FANCI: variants seen among roughly 807,000 people sequenced by gnomAD.
FANCI encodes Fanconi anemia group I protein.
A neutral mutation model predicts 176.1 loss-of-function variants in FANCI; 156 were observed. That is an observed-to-expected ratio of 0.89 (90% CI 0.78 to 1.01). FANCI has a LOEUF of 1.01. Ranked by LOEUF, FANCI falls within the 50% of genes least tolerant of loss-of-function variation. The pLI is 0.00. For synonymous variants in FANCI, 613 were observed against 541.7 expected (o/e 1.13, Z -1.83); for missense variants, 1,678 against 1,534.1 (o/e 1.09, Z -1.57).
chr15:89,263,417 A>G lies in FANCI; in HGVS notation c.504-2A>G. On this transcript the variant is annotated splice_acceptor_variant, in intron 6 of 37. Coordinates refer to ENST00000310775, the MANE Select transcript of FANCI (RefSeq NM_001113378.2). LOFTEE classifies it high-confidence loss of function. ...ATAAACTTTGTCATTTTCTTCTACC[A>G]GGTGGGATCAGCAATATGTAATCCA... 6.2e-7 allele frequency: 1 copy of G among 1,612,098 alleles called. No individual in the cohort carries two copies. Among genetic ancestry groups the G allele is most frequent in the Non-Finnish European group, 8.5e-7 (1 of 1,178,326 alleles).
chr15:89,316,094 G>A (rs2152042654), intron 37 of FANCI, among the ~76,000 whole-genome samples: 1 of 152,316 alleles, frequency 6.6e-6, no homozygotes, highest in South Asian at 2.1e-4. Flanking sequence ...CTTGGCAGCT[G>A]CACTCAGGAG....
rs760751687 is a variant in FANCI, at chr15:89,299,837, G to A, written c.2674G>A (p.Val892Met). 2 of 1,613,836 alleles carry A rather than the reference G, an allele frequency of 1.2e-6. No individual in the cohort carries two copies. The highest frequency in any genetic ancestry group is 1.7e-5 in the Admixed American group (1 of 59,994). The change falls in exon 25 of 38, where the codon GTG becomes ATG. Residue 892 changes from valine (V) to methionine (M), a missense_variant. By Grantham distance (21) the Val-to-Met change is conservative. This residue lies in a region of FANCI where 1,204 missense variants were observed against 1,077.4 expected (regional missense o/e 1.12). Transcript: ENST00000310775. The stretch of plus-strand genomic sequence containing the variant: ...GAGATACACTTCAATTCCTACTTCA[G>A]TGGAAGAGTCGGGAAAGAAAGAGAA... ...LWRYTSIPTS[V>M]EESGKKEKGK...
chr15:89,274,085 A>G, intron 11 of FANCI, 83 bp from the exon 12 acceptor site: 1 of 1,104,166 alleles, frequency 9.1e-7, no homozygotes, highest in Non-Finnish European at 1.3e-6. Context: ...TATTTGCTTT[A>G]TTTTCTTATT....
rs57179287 is a variant in FANCI at position 89,271,210 on chromosome 15, AT to A, written c.883-2159del. On this transcript the variant is annotated intron_variant, in intron 10 of 37. Coordinates refer to ENST00000310775, the MANE Select transcript of FANCI (RefSeq NM_001113378.2). ...TTTATTCTAAGCATGCAATCCAGTGATTTTTTTTCATAAATTTACCTAGTTT... is the reference window on the plus strand; with the variant it reads ...TTTATTCTAAGCATGCAATCCAGTGATTTTTTTCATAAATTTACCTAGTTT... Among the ~76,000 whole-genome samples the A allele has an allele frequency of 8.3e-3, 1,263 of 152,044 alleles. 5 individuals are homozygous for A. Among genetic ancestry groups the A allele is most frequent in the East Asian group, 0.021 (110 of 5,178 alleles).
chr15:89,275,989 G>T (rs943771100), intron 12 of FANCI, among the ~76,000 whole-genome samples: 3 of 152,174 alleles, frequency 2.0e-5, no homozygotes, highest in African/African-American at 7.2e-5. Flanking sequence ...TGGCTCTTCA[G>T]AGTATGAATA....
At chr15:89,255,536 C>T (rs914706653) in intron 2 of FANCI, among the ~76,000 whole-genome samples, 5 of 152,160 alleles carry the variant, frequency 3.3e-5, no homozygotes, top group Non-Finnish European at 7.3e-5. Flanking sequence ...AGATGGACAT[C>T]ATGTGCTTCC....
At chr15:89,312,601 C>T (rs752339036) in intron 34 of FANCI, among the ~76,000 whole-genome samples, 11 of 152,210 alleles carry the variant, frequency 7.2e-5, no homozygotes, top group Non-Finnish European at 1.2e-4. Context: ...CGGCAGATCA[C>T]CTGAGGCCAG....
intron 24 of FANCI, among the ~76,000 whole-genome samples, chr15:89,296,220 T>A (rs2151776186): frequency 6.7e-6 from 1 of 150,106 alleles, no homozygotes; most frequent in South Asian, 2.1e-4. Flanking sequence ...CACCCTGGCC[T>A]CCCAAAGTGC....
At chr15:89,247,918 A>G (rs1170717586) in intron 2 of FANCI, among the ~76,000 whole-genome samples, 187 bp downstream of exon 2, 2 of 152,230 alleles carry the variant, frequency 1.3e-5, no homozygotes, top group Non-Finnish European at 2.9e-5. Context: ...AGAGAAATAG[A>G]CTACTTGAGG....
intron 32 of FANCI, among the ~76,000 whole-genome samples, chr15:89,306,607 G>C (rs191498002): frequency 6.6e-6 from 1 of 151,890 alleles, no homozygotes; most frequent in Non-Finnish European, 1.5e-5. Flanking sequence ...CAGGAGAATC[G>C]CTTGAACCCA....
Position 89,294,075 on chromosome 15 carries a change from C to T in FANCI, c.2456+78C>T, listed in dbSNP as rs538638278. On this transcript the variant is annotated intron_variant, in intron 23 of 37. Transcript: ENST00000310775. Reference sequence around the variant, plus strand: ...CTACCTAGGCTCACTTGTTTCACCTCGTTTGGATTGTTTACAGTAAGAAAT... The same window carrying T: ...CTACCTAGGCTCACTTGTTTCACCTTGTTTGGATTGTTTACAGTAAGAAAT... 1.3e-5 allele frequency: 19 copies of T among 1,492,064 alleles called. No homozygotes were observed. The Middle Eastern group carries it at 6.8e-4, about 54-fold the overall frequency. 92.4% of individuals were successfully genotyped at this position (1,492,064 alleles called of 1,614,324 possible).
chr15:89,295,666 TAAA>T (rs1399386895), intron 24 of FANCI, among the ~76,000 whole-genome samples: 1 of 150,886 alleles, frequency 6.6e-6, no homozygotes, highest in Non-Finnish European at 1.5e-5. Context: ...AACTCCATCT[TAAA>T]AGAGTGAAAA....
chr15:89,281,773 C>G lies in FANCI; in HGVS notation c.1521C>G (p.Leu507=). Residue 507 remains leucine (L), a synonymous_variant, in exon 16 of 38, where the codon CTC becomes CTG. Coordinates refer to ENST00000310775, the MANE Select transcript of FANCI (RefSeq NM_001113378.2). The part of the protein sequence containing the change: ...QRLLKAVQPL[L]KVSMSMRDCL... ...CACTGATTCTTTTTCAGCCCCTTCT[C>G]AAAGTCAGCATGTCAATGAGAGACT... The G allele has an allele frequency of 6.2e-7, 1 of 1,613,878 alleles. No individual in the cohort carries two copies. The highest frequency in any genetic ancestry group is 8.5e-7 in the Non-Finnish European group (1 of 1,179,884).
At chr15:89,254,072 A>G (rs887248304) in intron 2 of FANCI, among the ~76,000 whole-genome samples, 1 of 152,068 alleles carries the variant, frequency 6.6e-6, no homozygotes, top group Non-Finnish European at 1.5e-5. Context: ...CAAAGATGCC[A>G]TAGTTGCTCG....
chr15:89,250,812 A>G (rs931198327), intron 2 of FANCI, among the ~76,000 whole-genome samples: 2 of 151,608 alleles, frequency 1.3e-5, no homozygotes, highest in African/African-American at 4.8e-5. Context: ...AAAATACTAC[A>G]TGTTAAAAAT....
At chr15:89,316,328 CCTT>C (rs1216496643) in intron 37 of FANCI, 66 bp from the exon 38 acceptor site, 65 of 1,417,004 alleles carry the variant, frequency 4.6e-5, no homozygotes, top group Non-Finnish European at 5.8e-5. Context: ...TCTTTTTTTT[CCTT>C]CTTTTTATTT....
At chr15:89,307,145 G>A (rs367656074) in intron 32 of FANCI, among the ~76,000 whole-genome samples, 146 of 152,328 alleles carry the variant, frequency 9.6e-4, no homozygotes, top group African/African-American at 3.1e-3. Context: ...TGGCTAAGCT[G>A]CTGTAGTGGA....
rs1061316 is a variant in FANCI, at chr15:89,317,119, A to C, written c.*660A>C. On this transcript the variant is annotated 3_prime_UTR_variant, in exon 38 of 38. Transcript: ENST00000310775. The stretch of plus-strand genomic sequence containing the variant: ...AAGAATGCACTCTATAGAATAAATT[A>C]TCTTTAAACATTTCTTCTGTGGTTG... 248,390 of 590,666 alleles carry C rather than the reference A, an allele frequency of 0.42. 54,176 individuals are homozygous for C. The highest frequency in any genetic ancestry group is 0.63 in the African/African-American group (33,563 of 53,664). 36.6% of individuals were successfully genotyped at this position (590,666 alleles called of 1,614,324 possible). A position where few individuals can be genotyped will look rare whatever the true frequency, so the allele number is the denominator to read the frequency against.
intron 9 of FANCI, among the ~76,000 whole-genome samples, chr15:89,265,681 G>T (rs1219190043): frequency 6.6e-6 from 1 of 151,648 alleles, no homozygotes; most frequent in African/African-American, 2.4e-5. Context: ...GCGCCACCAC[G>T]CCCAGCTAAC....
Sources: allele counts gnomAD v4.1 joint callset (sites outside exome capture counted in the v4.1 genomes callset), GRCh38; gene constraint gnomAD v4.1.1; regional missense constraint gnomAD v4.1.1; transcripts MANE v1.5; gene names NCBI Gene and HGNC (gene_info 2026-07-23, HGNC 2026-07-21).